Variants in CENPC observed in about 807,000 individuals in gnomAD.
CENPC encodes the protein CENP-C 1.
In CENPC, 63 loss-of-function variants were observed where a neutral mutation model predicts 112.1. The ratio of observed to expected loss-of-function variants is 0.56; its 90% CI spans 0.46 to 0.69. CENPC has a LOEUF of 0.69. Among genes scored for constraint, CENPC ranks in the 30% least tolerant of loss-of-function variants. CENPC has a pLI of 0.00. For missense variants in CENPC, 1,000 were observed against 1,103.8 expected (o/e 0.91, Z 1.33); for synonymous variants, 333 against 367.6 (o/e 0.91, Z 1.08).
chr4:67,511,161 A>G, intron 9 of CENPC: 1 of 416,272 alleles, frequency 2.4e-6, no homozygotes, highest in Admixed American at 2.6e-5. Flanking sequence ...ACAGAATGAG[A>G]AACTAAACAA....
Position 67,518,258 on chromosome 4 carries a change from G to A in CENPC, c.728C>T (p.Ser243Phe). ...TTCTGAATCTCGTATTCTATTCTGAGATGATCCTGATGGTTTTCTTTCTTG... is the reference window on the plus strand; with the variant it reads ...TTCTGAATCTCGTATTCTATTCTGAAATGATCCTGATGGTTTTCTTTCTTG... ...EGQERKPSGS[S>F]QNRIRDSEYE... Residue 243 changes from serine (S) to phenylalanine (F), a missense_variant, in exon 7 of 19, where the codon TCT (serine) becomes TTT (phenylalanine). Ser to Phe is a radical substitution (Grantham distance 155). Coordinates refer to ENST00000273853, the MANE Select transcript of CENPC (RefSeq NM_001812.4). 1 of 1,560,632 alleles carries A rather than the reference G, an allele frequency of 6.4e-7. No homozygotes were observed. The highest frequency in any genetic ancestry group is 8.7e-7 in the Non-Finnish European group (1 of 1,152,748).
At chr4:67,489,347 C>T (rs536583813) in intron 17 of CENPC, among the ~76,000 whole-genome samples, 2 of 151,994 alleles carry the variant, frequency 1.3e-5, no homozygotes, top group South Asian at 4.2e-4. Context: ...AATCTCATTA[C>T]AACTTCAGCC....
At chr4:67,545,292 A>T in intron 1 of CENPC, 46 bp downstream of exon 1, 3 of 1,456,964 alleles carry the variant, frequency 2.1e-6, no homozygotes, top group Non-Finnish European at 2.7e-6. Flanking sequence ...CCCGTGCCCC[A>T]GCCAGCCGCT....
At chr4:67,512,639 T>TA (rs1271942563) in intron 8 of CENPC, 70 bp from the exon 9 acceptor site, 17 of 1,126,954 alleles carry the variant, frequency 1.5e-5, no homozygotes, top group African/African-American at 3.3e-5. Flanking sequence ...CACAAGATTA[T>TA]AAAAAAACCG....
intron 4 of CENPC, among the ~76,000 whole-genome samples, chr4:67,533,005 C>T (rs1454474613): frequency 6.6e-6 from 1 of 152,174 alleles, no homozygotes; most frequent in Non-Finnish European, 1.5e-5. Flanking sequence ...GGTAGTGGGA[C>T]CTCTGTCACA....
At position 67,491,517 on chromosome 4, in the gene CENPC, A is replaced by C. The variant is rs55929647; in HGVS notation, c.2515+663T>G. On this transcript the variant is annotated intron_variant, in intron 16 of 18. Transcript: ENST00000273853. ...GAGAGAGAGAGAGAGAGAGAGAGAGAGAGAGAGAGAGCCTGGTTGTTAAAC... is the reference window on the plus strand; with the variant it reads ...GAGAGAGAGAGAGAGAGAGAGAGAGCGAGAGAGAGAGCCTGGTTGTTAAAC... Among the ~76,000 whole-genome samples, 376 of 140,244 alleles carry C rather than the reference A, an allele frequency of 2.7e-3. 4 individuals are homozygous for C. The highest frequency in any genetic ancestry group is 9.6e-3 in the African/African-American group (364 of 37,826). The allele number at this position is 140,244 out of a possible 152,430, so 92.0% of individuals were successfully genotyped here. A position where few individuals can be genotyped will look rare whatever the true frequency, so the allele number is the denominator to read the frequency against.
intron 16 of CENPC, among the ~76,000 whole-genome samples, chr4:67,491,525 A>AGAGAGC (rs1553893257): frequency 7.7e-6 from 1 of 130,090 alleles, no homozygotes; most frequent in African/African-American, 2.9e-5. Flanking sequence ...AGAGAGAGAG[A>AGAGAGC]GAGCCTGGTT....
At chr4:67,511,123 T>C in intron 9 of CENPC, 1 of 450,096 alleles carries the variant, frequency 2.2e-6, no homozygotes, top group Non-Finnish European at 4.5e-6. Flanking sequence ...ATTTAAACCT[T>C]ATAAAAACTC....
intron 17 of CENPC, among the ~76,000 whole-genome samples, chr4:67,485,878 G>C (rs1306424646): frequency 6.6e-6 from 1 of 152,040 alleles, no homozygotes; most frequent in Non-Finnish European, 1.5e-5. Flanking sequence ...AATTTTCCAA[G>C]GTCACAATGT....
intron 17 of CENPC, among the ~76,000 whole-genome samples, chr4:67,488,126 C>G (rs1725140682): frequency 6.6e-6 from 1 of 151,518 alleles, no homozygotes; most frequent in Non-Finnish European, 1.5e-5. Flanking sequence ...TTTTTAAATT[C>G]TAGTTAGAAA....
At position 67,474,899 on chromosome 4, in the gene CENPC, T is replaced by A. The variant is rs376889812; in HGVS notation, c.2750A>T (p.Tyr917Phe). Residue 917 changes from tyrosine to phenylalanine, a missense_variant, in exon 18 of 19, where the codon TAT becomes TTT. Transcript: ENST00000273853. Reference sequence around the variant, plus strand: ...ATAAATTGTCTTACCTGAAGGAACATAGAACGAATCCCCAGTACTTAATAT... The same window carrying A: ...ATAAATTGTCTTACCTGAAGGAACAAAGAACGAATCCCCAGTACTTAATAT... Reference protein sequence around the residue: ...PYILSTGDSFYVPSGNYYNIK... With the variant: ...PYILSTGDSFFVPSGNYYNIK... The A allele has an allele frequency of 6.4e-7, 1 of 1,569,208 alleles. No individual in the cohort carries two copies. Among genetic ancestry groups the A allele is most frequent in the Non-Finnish European group, 8.7e-7 (1 of 1,149,098 alleles).
intron 5 of CENPC, among the ~76,000 whole-genome samples, chr4:67,521,923 C>A (rs915116435): frequency 6.6e-6 from 1 of 151,900 alleles, no homozygotes; most frequent in African/African-American, 2.4e-5. Flanking sequence ...TGGTGGTTGC[C>A]AGGGCTAATG....
chr4:67,496,724 A>G (rs886239512), intron 12 of CENPC, among the ~76,000 whole-genome samples: 4 of 152,180 alleles, frequency 2.6e-5, no homozygotes, highest in Admixed American at 2.0e-4. Context: ...AAAGGAAATG[A>G]AAGTCGGCTA....
chr4:67,533,431 T>C (rs1363146638), intron 4 of CENPC, among the ~76,000 whole-genome samples: 1 of 152,198 alleles, frequency 6.6e-6, no homozygotes, highest in Non-Finnish European at 1.5e-5. Flanking sequence ...ACTAATACAC[T>C]ACACTGCTGT....
At chr4:67,537,238 C>T (rs1726749590) in intron 4 of CENPC, among the ~76,000 whole-genome samples, 1 of 152,080 alleles carries the variant, frequency 6.6e-6, no homozygotes, top group African/African-American at 2.4e-5. Context: ...TCTAAATTGT[C>T]TACTGAAACT....
chr4:67,488,157 A>G (rs538181443), intron 17 of CENPC, among the ~76,000 whole-genome samples: 9 of 151,004 alleles, frequency 6.0e-5, no homozygotes, highest in Admixed American at 1.3e-4. Context: ...ATATACAAAG[A>G]ACTTTTATCT....
chr4:67,494,127 C>A (rs1725362740), intron 13 of CENPC, 139 bp from the exon 14 acceptor site: 5 of 532,940 alleles, frequency 9.4e-6, no homozygotes, highest in Admixed American at 7.3e-5. Flanking sequence ...CTAGAAAAAA[C>A]AAATATTTAT....
chr4:67,470,861 A>T lies in CENPC; in HGVS notation c.*1744T>A, dbSNP rs9312181. ...CAAGGAGTATCTGTAGTTGCTAACCAAAGGTTACAGTCCTAGTTCTTGAAG... is the reference window on the plus strand; with the variant it reads ...CAAGGAGTATCTGTAGTTGCTAACCTAAGGTTACAGTCCTAGTTCTTGAAG... On this transcript the variant is annotated 3_prime_UTR_variant, in exon 19 of 19. Transcript: ENST00000273853. The T allele has an allele frequency of 0.63, 95,164 of 151,988 alleles. 30,023 individuals are homozygous for T. The highest frequency in any genetic ancestry group is 0.81 in the East Asian group (4,204 of 5,178). 9.4% of individuals were successfully genotyped at this position (151,988 alleles called of 1,614,324 possible). A position where few individuals can be genotyped will look rare whatever the true frequency, so the allele number is the denominator to read the frequency against.
chr4:67,521,194 C>A (rs1227702864), intron 5 of CENPC, among the ~76,000 whole-genome samples: 6 of 50,926 alleles, frequency 1.2e-4, no homozygotes, highest in Admixed American at 3.1e-4. Context: ...ATACCAAAAC[C>A]AAAACAAACC....
Sources: gnomAD v4.1 joint callset for allele counts (sites outside exome capture counted in the v4.1 genomes callset) on GRCh38, gnomAD v4.1.1 for gene constraint, MANE v1.5 for transcripts, NCBI Gene and HGNC (gene_info 2026-07-23, HGNC 2026-07-21) for gene names.